RGS6: variants seen among roughly 807,000 people sequenced by gnomAD.
The protein encoded by RGS6 is regulator of G-protein signaling 6.
Under a neutral mutation model 78.5 loss-of-function variants are expected in RGS6, and 30 were observed. The observed-to-expected ratio is 0.38, with a 90% CI of 0.29 to 0.52. The LOEUF (loss-of-function observed/expected upper bound fraction) is 0.52, where lower values mean the gene tolerates loss of function less well. Ranked by LOEUF, RGS6 falls within the 20% of genes least tolerant of loss-of-function variation. RGS6 has a pLI of 0.85. For missense variants in RGS6, 495 were observed against 609.7 expected, an observed-to-expected ratio of 0.81 and a Z score of 1.98; for synonymous variants, 206 against 206.0, an observed-to-expected ratio of 1.00 and a Z score of 0.00.
intron 17 of RGS6, chr14:72,540,355 C>A: frequency 6.9e-7 from 1 of 1,456,352 alleles, no homozygotes; most frequent in Non-Finnish European, 9.0e-7. Flanking sequence ...GGCATTTGAT[C>A]ATCTGTTCAG....
At chr14:72,206,330 T>C (rs1366979620) in intron 2 of RGS6, among the ~76,000 whole-genome samples, 1 of 152,146 alleles carries the variant, frequency 6.6e-6, no homozygotes, top group East Asian at 1.9e-4. Context: ...CTGTATGTAT[T>C]CACATGGAAA....
chr14:71,941,197 T>C (rs1324165242), intron 1 of RGS6, among the ~76,000 whole-genome samples: 3 of 152,230 alleles, frequency 2.0e-5, no homozygotes, highest in Admixed American at 1.3e-4. Flanking sequence ...ATGTGCTATG[T>C]ACAGAGTCGC....
chr14:72,615,471 G>A, the RGS6 span, among the ~76,000 whole-genome samples: 67 of 152,330 alleles, frequency 4.4e-4, 1 homozygote, highest in East Asian at 7.7e-3. Flanking sequence ...TTCAAAGCAC[G>A]AATACAAAAA....
At chr14:71,964,736 T>C (rs2093415253) in intron 1 of RGS6, 36 bp from the exon 2 acceptor site, 3 of 1,440,542 alleles carry the variant, frequency 2.1e-6, no homozygotes. Flanking sequence ...ATATAATTCC[T>C]TCGTGACTTA....
chr14:72,341,161 A>C lies in RGS6; in HGVS notation c.85-10934A>C, dbSNP rs2076915634. The stretch of plus-strand genomic sequence containing the variant: ...TTGCAGTTCCACAGGCCGTACAGGA[A>C]GCATGGCTGGGGAGGCCTCAGGAAA... On this transcript the variant is annotated intron_variant, in intron 2 of 17. Transcript: ENST00000553525. Among the ~76,000 whole-genome samples the C allele has an allele frequency of 2.0e-5, 3 of 148,374 alleles. No homozygotes were observed. The South Asian group carries it at 6.7e-4, about 33-fold the overall frequency.
At chr14:72,383,805 G>A (rs949581461) in intron 3 of RGS6, among the ~76,000 whole-genome samples, 1 of 152,066 alleles carries the variant, frequency 6.6e-6, no homozygotes, top group African/African-American at 2.4e-5. Context: ...CAAAGGGTGG[G>A]GGGGGACGGT....
chr14:72,178,314 TTCC>T (rs755838697), intron 2 of RGS6, among the ~76,000 whole-genome samples: 89 of 152,208 alleles, frequency 5.8e-4, no homozygotes, highest in Non-Finnish European at 1.1e-3. Flanking sequence ...CTCAGAGTGC[TTCC>T]TCCAACCAAA....
the RGS6 span, among the ~76,000 whole-genome samples, chr14:71,903,665 C>T: frequency 2.0e-5 from 3 of 152,186 alleles, no homozygotes; most frequent in African/African-American, 4.8e-5. Context: ...GCAACAAATT[C>T]GAGGAGGAAT....
chr14:72,013,271 CAAAAAAAAAA>C (rs59579709), intron 2 of RGS6, among the ~76,000 whole-genome samples: 6 of 77,052 alleles, frequency 7.8e-5, no homozygotes, highest in Admixed American at 3.1e-4. Flanking sequence ...ACTCCGTCTC[CAAAAAAAAAA>C]AAAAAAAAAA....
At chr14:72,383,517 C>T (rs975886998) in intron 3 of RGS6, among the ~76,000 whole-genome samples, 2 of 152,076 alleles carry the variant, frequency 1.3e-5, no homozygotes, top group African/African-American at 4.8e-5. Context: ...GTGATCCATT[C>T]GGCTGCGCTC....
At chr14:72,344,653 G>C (rs2077656158) in intron 2 of RGS6, among the ~76,000 whole-genome samples, 1 of 152,184 alleles carries the variant, frequency 6.6e-6, no homozygotes, top group Non-Finnish European at 1.5e-5. Context: ...AATATTTACT[G>C]AGTACCTATT....
At chr14:71,976,122 T>G (rs570569925) in intron 2 of RGS6, among the ~76,000 whole-genome samples, 150 of 151,974 alleles carry the variant, frequency 9.9e-4, no homozygotes, top group Non-Finnish European at 1.9e-3. Context: ...ATTTAATTCC[T>G]AAACTTATTA....
At chr14:72,006,146 C>T (rs915324493) in intron 2 of RGS6, among the ~76,000 whole-genome samples, 1 of 152,140 alleles carries the variant, frequency 6.6e-6, no homozygotes, top group African/African-American at 2.4e-5. Context: ...CTCATCTATC[C>T]TTTAGGTCCT....
At chr14:72,158,857 CTCTAGAG>C (rs2096811167) in intron 2 of RGS6, among the ~76,000 whole-genome samples, 1 of 30,584 alleles carries the variant, frequency 3.3e-5, no homozygotes, top group Non-Finnish European at 9.5e-5. Flanking sequence ...ATAGCAAGGG[CTCTAGAG>C]CTTTCTGCCT....
At chr14:72,413,606 A>G (rs143286179) in intron 3 of RGS6, among the ~76,000 whole-genome samples, 7,101 of 152,248 alleles carry the variant, frequency 0.047, 416 homozygotes, top group East Asian at 0.34. Flanking sequence ...TGATCCTGTT[A>G]TTATGATGTT....
intron 3 of RGS6, among the ~76,000 whole-genome samples, chr14:72,437,882 A>G (rs2095012447): frequency 1.3e-5 from 2 of 152,212 alleles, no homozygotes; most frequent in African/African-American, 2.4e-5. Context: ...TACTTCAGGG[A>G]GTCTGCTGTG....
At chr14:72,409,371 C>G (rs2093212181) in intron 3 of RGS6, among the ~76,000 whole-genome samples, 1 of 151,460 alleles carries the variant, frequency 6.6e-6, no homozygotes. Flanking sequence ...TAGAAAGTCC[C>G]TAGTTAGAGG....
intron 2 of RGS6, among the ~76,000 whole-genome samples, chr14:71,981,604 CA>C: frequency 6.6e-6 from 1 of 151,920 alleles, no homozygotes. Flanking sequence ...GCTCGGGGGT[CA>C]GGGGTCAGGG....
At chr14:72,067,762 T>A (rs1412794564) in intron 2 of RGS6, among the ~76,000 whole-genome samples, 1 of 152,218 alleles carries the variant, frequency 6.6e-6, no homozygotes, top group Admixed American at 6.5e-5. Context: ...CTGGCCTTGC[T>A]TTTCTTTAGA....
Sources: allele counts gnomAD v4.1 joint callset (sites outside exome capture counted in the v4.1 genomes callset), GRCh38; gene constraint gnomAD v4.1.1; transcripts MANE v1.5; gene names NCBI Gene and HGNC (gene_info 2026-07-23, HGNC 2026-07-21).